Variants in RPL7 observed in about 807,000 individuals in gnomAD.
The protein encoded by RPL7 is large ribosomal subunit protein uL30.
For missense variants in RPL7, 205 were observed against 301.9 expected (o/e 0.68, Z 2.38); for synonymous variants, 100 against 102.2 (o/e 0.98, Z 0.13).
chr8:73,293,755 A>G (rs1814174252), upstream of RPL7: 3 of 958,474 alleles, frequency 3.1e-6, no homozygotes, highest in Non-Finnish European at 4.8e-6. Context: ...AGACGCAAAG[A>G]ACTCCCTGAT....
In RPL7 at chr8:73,290,581, T is replaced by C. The variant is rs546568033; in HGVS notation, c.*126A>G. 1 of 155,630 alleles carries C rather than the reference T, an allele frequency of 6.4e-6. No homozygotes were observed. Among genetic ancestry groups the C allele is most frequent in the South Asian group, 2.0e-4 (1 of 5,054 alleles). The allele number at this position is 155,630 out of a possible 1,614,324, so 9.6% of individuals were successfully genotyped here. A position where few individuals can be genotyped will look rare whatever the true frequency, so the allele number is the denominator to read the frequency against. On this transcript the variant is annotated 3_prime_UTR_variant, in exon 7 of 7. Transcript: ENST00000352983. ...TCACACACCACACTTGCCACAGTAG[T>C]TAAGGGAAGACAGAGGCAGGCTAAC...
chr8:73,293,862 A>C, upstream of RPL7: 1 of 464,318 alleles, frequency 2.2e-6, no homozygotes, highest in Non-Finnish European at 4.0e-6. Context: ...AAGAGTGCTG[A>C]CACCTTGGCA....
upstream of RPL7, chr8:73,294,359 G>C: frequency 6.5e-6 from 1 of 153,090 alleles, no homozygotes; most frequent in Non-Finnish European, 1.5e-5. Flanking sequence ...CGGAGGCCAG[G>C]ACACCCCACG....
rs1037880179 is a variant in RPL7, at chr8:73,292,139, ATT to A, written c.290+98_290+99del. The A allele has an allele frequency of 6.6e-5, 83 of 1,251,298 alleles. No individual in the cohort carries two copies. The African/African-American group carries it at 1.2e-3, about 18-fold the overall frequency. 77.5% of individuals were successfully genotyped at this position (1,251,298 alleles called of 1,614,324 possible). ...TCCTTGTTCTAGCTTCCCCTAAAAT[ATT>A]GTTACTCCGGTGTTTCAGAATCAGG... On this transcript the variant is annotated intron_variant, in intron 3 of 6. Coordinates refer to ENST00000352983, the MANE Select transcript of RPL7 (RefSeq NM_000971.4).
rs760567832 is a variant in RPL7 at position 73,291,758 on chromosome 8, A to AG, written c.428+14dup. On this transcript the variant is annotated intron_variant, in intron 4 of 6. Coordinates refer to ENST00000352983, the MANE Select transcript of RPL7 (RefSeq NM_000971.4). ...CAATTTATCAAATAGAAATCAAAGGAGAAAAGAGACTTACCCCCATGCAAT... is the reference window on the plus strand; with the variant it reads ...CAATTTATCAAATAGAAATCAAAGGAGGAAAAGAGACTTACCCCCATGCAAT... 2 of 1,597,328 alleles carry AG rather than the reference A, an allele frequency of 1.3e-6. No homozygotes were observed. The highest frequency in any genetic ancestry group is 2.2e-5 in the South Asian group (2 of 90,472).
chr8:73,290,536 G>A lies in RPL7; in HGVS notation c.*171C>T, dbSNP rs1296265111. On this transcript the variant is annotated 3_prime_UTR_variant, in exon 7 of 7. Coordinates refer to ENST00000352983, the MANE Select transcript of RPL7 (RefSeq NM_000971.4). Reference sequence around the variant, plus strand: ...ACCCTGATTTTGCACGAAATGGGCTGTTGATTTGGCTTAATTTTATCACAC... The same window carrying A: ...ACCCTGATTTTGCACGAAATGGGCTATTGATTTGGCTTAATTTTATCACAC... The A allele has an allele frequency of 6.5e-6, 1 of 153,088 alleles. No individual in the cohort carries two copies. Among genetic ancestry groups the A allele is most frequent in the African/African-American group, 2.4e-5 (1 of 41,462 alleles). 9.5% of individuals were successfully genotyped at this position (153,088 alleles called of 1,614,324 possible). A position where few individuals can be genotyped will look rare whatever the true frequency, so the allele number is the denominator to read the frequency against.
rs562903591 is a variant in RPL7, at chr8:73,292,800, A to G, written c.15-3T>C. ...CAGGAACCTCCTTCTTCTTCTCTCT[A>G]ACGTTAATAAACAAAAATGTTATCA... On this transcript the variant is annotated splice_polypyrimidine_tract_variant and splice_region_variant and intron_variant, in intron 1 of 6. Coordinates refer to ENST00000352983, the MANE Select transcript of RPL7 (RefSeq NM_000971.4). 1 of 1,596,452 alleles carries G rather than the reference A, an allele frequency of 6.3e-7. No individual in the cohort carries two copies. Among genetic ancestry groups the G allele is most frequent in the Admixed American group, 1.7e-5 (1 of 57,368 alleles).
chr8:73,291,511 C>T lies in RPL7; in HGVS notation c.538+41G>A, dbSNP rs773600990. The T allele has an allele frequency of 1.7e-5, 23 of 1,392,456 alleles. No individual in the cohort carries two copies. The South Asian group carries it at 2.0e-4, about 12-fold the overall frequency. The allele number at this position is 1,392,456 out of a possible 1,614,324, so 86.3% of individuals were successfully genotyped here. A position where few individuals can be genotyped will look rare whatever the true frequency, so the allele number is the denominator to read the frequency against. ...CGGCCACAAGAGGGTAAGAAATTATCGCATGGTCTAATACCAAATTTTCCC... is the reference window on the plus strand; with the variant it reads ...CGGCCACAAGAGGGTAAGAAATTATTGCATGGTCTAATACCAAATTTTCCC... On this transcript the variant is annotated intron_variant, in intron 5 of 6. Coordinates refer to ENST00000352983, the MANE Select transcript of RPL7 (RefSeq NM_000971.4).
At position 73,291,573 on chromosome 8, in the gene RPL7, C is replaced by T. The variant is rs777899375; in HGVS notation, c.517G>A (p.Ala173Thr). Residue 173 changes from alanine (A) to threonine (T), a missense_variant, in exon 5 of 7, where the codon GCT (alanine) becomes ACT (threonine). Coordinates refer to ENST00000352983, the MANE Select transcript of RPL7 (RefSeq NM_000971.4). The part of the protein sequence containing the change: ...NKKRIALTDN[A>T]LIARSLGKYG... ...CTACCAAGAGATCGAGCAATCAAAG[C>T]GTTATCTGTCAAAGCAATTCGCTTC... The T allele has an allele frequency of 8.2e-6, 13 of 1,594,522 alleles. No individual in the cohort carries two copies. Among genetic ancestry groups the T allele is most frequent in the East Asian group, 4.5e-5 (2 of 44,326 alleles).
intron 6 of RPL7, 102 bp from the exon 7 acceptor site, chr8:73,290,807 C>A (rs1190263717): frequency 2.1e-6 from 1 of 477,282 alleles, no homozygotes; most frequent in East Asian, 3.5e-5. Context: ...ATTTTTAAGA[C>A]CACCCAATTT....
chr8:73,293,607 C>G lies in RPL7; in HGVS notation c.6G>C (p.Glu2Asp). 6.2e-7 allele frequency: 1 copy of G among 1,613,910 alleles called. No individual in the cohort carries two copies. The highest frequency in any genetic ancestry group is 1.3e-5 in the African/African-American group (1 of 75,028). Residue 2 changes from glutamate to aspartate, a missense_variant, in exon 1 of 7, where the codon GAG becomes GAC. By Grantham distance (45) the Glu-to-Asp change is conservative (BLOSUM62 2). Transcript: ENST00000352983. The part of the protein sequence containing the change: M[E>D]GVEEKKKEVP... ...GACCAGAAGCAACTCACTCTACACC[C>G]TCCATGGTTCCAGCCGGAAAAAGAG...
rs1814074802 is a variant in RPL7, at chr8:73,290,612, CA to C, written c.*94del. 6.3e-6 allele frequency: 1 copy of C among 157,670 alleles called. No individual in the cohort carries two copies. The highest frequency in any genetic ancestry group is 1.4e-5 in the Non-Finnish European group (1 of 71,704). The allele number at this position is 157,670 out of a possible 1,614,324, so 9.8% of individuals were successfully genotyped here. On this transcript the variant is annotated 3_prime_UTR_variant, in exon 7 of 7. Coordinates refer to ENST00000352983, the MANE Select transcript of RPL7 (RefSeq NM_000971.4). ...GAAGACAGAGGCAGGCTAACAACAA[CA>C]ACAACAAATCACAAATACAACAATA... is the stretch of plus-strand genomic sequence containing the variant.
At chr8:73,290,925 C>A (rs1814081206) in intron 6 of RPL7, 118 bp downstream of exon 6, 1 of 771,412 alleles carries the variant, frequency 1.3e-6, no homozygotes, top group South Asian at 1.8e-5. Flanking sequence ...CCCCACTCCC[C>A]ACAAAAGCAC....
intron 1 of RPL7, chr8:73,293,069 A>C (rs754474922): frequency 1.2e-5 from 4 of 347,402 alleles, no homozygotes; most frequent in Admixed American, 4.5e-5. Flanking sequence ...TCCGACGACT[A>C]ATTAAAAAAA....
chr8:73,291,594 GCTT>G lies in RPL7; in HGVS notation c.493_495del (p.Lys165del), dbSNP rs1355292915. 1 of 1,598,016 alleles carries G rather than the reference GCTT, an allele frequency of 6.3e-7. No homozygotes were observed. Among genetic ancestry groups the G allele is most frequent in the Non-Finnish European group, 8.6e-7 (1 of 1,167,222 alleles). ...AAAGCGTTATCTGTCAAAGCAATTCGCTTCTTATTGATTTTGCCATAACCACGC... is the reference window on the plus strand; with the variant it reads ...AAAGCGTTATCTGTCAAAGCAATTCGCTTATTGATTTTGCCATAACCACGC... On this transcript the variant is annotated inframe_deletion, in exon 5 of 7. Coordinates refer to ENST00000352983, the MANE Select transcript of RPL7 (RefSeq NM_000971.4).
Position 73,292,577 on chromosome 8 carries a change from T to C in RPL7, c.123+112A>G, listed in dbSNP as rs572590861. Reference sequence around the variant, plus strand: ...CCTTCAGATTGTAACATTAGGTAGCTAAGCAATTACTCAGTACAGTTAGGA... The same window carrying C: ...CCTTCAGATTGTAACATTAGGTAGCCAAGCAATTACTCAGTACAGTTAGGA... On this transcript the variant is annotated intron_variant, in intron 2 of 6. Transcript: ENST00000352983. 12 of 1,012,882 alleles carry C rather than the reference T, an allele frequency of 1.2e-5. No individual in the cohort carries two copies. The South Asian group carries it at 1.7e-4, about 14-fold the overall frequency. The allele number at this position is 1,012,882 out of a possible 1,614,324, so 62.7% of individuals were successfully genotyped here. A position where few individuals can be genotyped will look rare whatever the true frequency, so the allele number is the denominator to read the frequency against.
chr8:73,292,707 C>G lies in RPL7; in HGVS notation c.105G>C (p.Lys35Asn). 6.2e-7 allele frequency: 1 copy of G among 1,613,118 alleles called. No homozygotes were observed. Among genetic ancestry groups the G allele is most frequent in the Non-Finnish European group, 8.5e-7 (1 of 1,179,754 alleles). The stretch of plus-strand genomic sequence containing the variant: ...TACTTACCATCTTTTGGGCAAACTT[C>G]TTTCTCAGGCGCTTGATCTTCAGCT... Reference protein sequence around the residue: ...FAELKIKRLRKKFAQKMLRKA... With the variant: ...FAELKIKRLRNKFAQKMLRKA... The change falls in exon 2 of 7, where the codon AAG becomes AAC. Residue 35 changes from lysine to asparagine, a missense_variant. Transcript: ENST00000352983.
At chr8:73,293,563 G>A (rs1814166236) in intron 1 of RPL7, 36 bp downstream of exon 1, 1 of 1,612,778 alleles carries the variant, frequency 6.2e-7, no homozygotes. Flanking sequence ...CTCTGGAGAT[G>A]GAGAAGGATT....
upstream of RPL7, chr8:73,293,932 T>A (rs1814180614): frequency 3.0e-6 from 1 of 335,216 alleles, no homozygotes; most frequent in Admixed American, 4.2e-5. Flanking sequence ...CTCCCCATAA[T>A]GTTCCCAGGA....
Sources: gnomAD v4.1 joint callset for allele counts on GRCh38, gnomAD v4.1.1 for gene constraint, MANE v1.5 for transcripts, NCBI Gene and HGNC (gene_info 2026-07-23, HGNC 2026-07-21) for gene names.